ASXL3: variants seen among roughly 807,000 people sequenced by gnomAD.
ASXL3 encodes the protein ASXL transcriptional regulator 3, also known as putative Polycomb group protein ASXL3.
A neutral mutation model predicts 170.6 loss-of-function variants in ASXL3; 34 were observed. The ratio of observed to expected loss-of-function variants is 0.20; its 90% CI spans 0.15 to 0.27. The LOEUF is 0.27. Ranked by LOEUF, ASXL3 falls within the 10% of genes least tolerant of loss-of-function variation. The pLI is 1.00. For synonymous variants in ASXL3, 1,002 were observed against 989.1 expected (o/e 1.01, Z -0.24); for missense variants, 2,592 against 2,695.3 (o/e 0.96, Z 0.85).
At chr18:33,643,264 T>A (rs538953624) in intron 2 of ASXL3, among the ~76,000 whole-genome samples, 3 of 151,908 alleles carry the variant, frequency 2.0e-5, no homozygotes, top group African/African-American at 7.2e-5. Context: ...ATTTGGAATT[T>A]ATTCATGGAA....
At chr18:33,643,420 C>T (rs993041974) in intron 2 of ASXL3, among the ~76,000 whole-genome samples, 2 of 151,780 alleles carry the variant, frequency 1.3e-5, no homozygotes, top group Non-Finnish European at 3.0e-5. Flanking sequence ...ATTACCTAAA[C>T]ACAACATTGT....
chr18:33,621,654 A>G (rs948943358), intron 2 of ASXL3, among the ~76,000 whole-genome samples: 6 of 152,170 alleles, frequency 3.9e-5, no homozygotes, highest in African/African-American at 1.4e-4. Flanking sequence ...TCAGATTCCC[A>G]CCATGGGTTG....
At chr18:33,742,666 T>G (rs146941067) in intron 11 of ASXL3, among the ~76,000 whole-genome samples, 1 of 152,198 alleles carries the variant, frequency 6.6e-6, no homozygotes, top group Non-Finnish European at 1.5e-5. Flanking sequence ...ACAATGGATG[T>G]TTTTGTAGAT....
intron 8 of ASXL3, among the ~76,000 whole-genome samples, chr18:33,719,806 C>T (rs551662142): frequency 6.6e-6 from 1 of 152,092 alleles, no homozygotes; most frequent in African/African-American, 2.4e-5. Context: ...AACAGGCCCT[C>T]CCCAGACACT....
At chr18:33,735,928 A>G (rs2067538111) in intron 10 of ASXL3, among the ~76,000 whole-genome samples, 1 of 152,164 alleles carries the variant, frequency 6.6e-6, no homozygotes, top group Non-Finnish European at 1.5e-5. Flanking sequence ...CCTACATTAC[A>G]GAGAGCTTTC....
chr18:33,626,289 T>A (rs978667487), intron 2 of ASXL3, among the ~76,000 whole-genome samples: 2 of 152,122 alleles, frequency 1.3e-5, no homozygotes, highest in African/African-American at 2.4e-5. Context: ...AAAAAAAATC[T>A]TACCATTTCA....
chr18:33,743,267 C>A lies in ASXL3; in HGVS notation c.3419C>A (p.Pro1140Gln), dbSNP rs201152513. The change falls in exon 12 of 12, where the codon CCA (proline) becomes CAA (glutamine). Residue 1140 changes from proline (P) to glutamine (Q), a missense_variant. Pro to Gln is a moderately conservative substitution (Grantham distance 76). Transcript: ENST00000269197. ...CCGCTCAGCTCAAAGGAAGGGCCTC[C>A]AAACTTAGAAGTCTCTTCTACCCCT... is the stretch of plus-strand genomic sequence containing the variant. ...PPPLSSKEGP[P>Q]NLEVSSTPET... The A allele has an allele frequency of 4.9e-5, 79 of 1,613,778 alleles. No homozygotes were observed. Among genetic ancestry groups the A allele is most frequent in the Non-Finnish European group, 6.4e-5 (75 of 1,179,824 alleles).
chr18:33,710,892 A>C (rs575785645), intron 8 of ASXL3, among the ~76,000 whole-genome samples: 2 of 152,142 alleles, frequency 1.3e-5, no homozygotes, highest in Admixed American at 1.3e-4. Flanking sequence ...TTGGGGGGGA[A>C]CAAAGCCTTT....
At chr18:33,680,176 T>C (rs1463734995) in intron 7 of ASXL3, among the ~76,000 whole-genome samples, 7 of 152,102 alleles carry the variant, frequency 4.6e-5, no homozygotes, top group African/African-American at 1.2e-4. Flanking sequence ...TCAAATACTT[T>C]ATAATTTCCG....
Position 33,745,034 on chromosome 18 carries a change from G to C in ASXL3, c.5186G>C (p.Arg1729Thr), listed in dbSNP as rs1192650653. 6.2e-7 allele frequency: 1 copy of C among 1,613,892 alleles called. No individual in the cohort carries two copies. Among genetic ancestry groups the C allele is most frequent in the Non-Finnish European group, 8.5e-7 (1 of 1,179,908 alleles). Residue 1729 changes from arginine (R) to threonine (T), a missense_variant, in exon 12 of 12, where the codon AGA (arginine) becomes ACA (threonine). Arg to Thr is a moderately conservative substitution (Grantham distance 71). Around this residue, in one of 4 missense-constraint regions of ASXL3, gnomAD observed 2,246 missense variants for 2,219.6 expected, o/e 1.01. Coordinates refer to ENST00000269197, the MANE Select transcript of ASXL3 (RefSeq NM_030632.3). ...TCCTTGGCTACCGATGCCCTGAAGA[G>C]AGTCCCTGGTGCAGGGAGCTCAGGC... ...AISLATDALKRVPGAGSSGCR... is the reference protein window; with the variant it reads ...AISLATDALKTVPGAGSSGCR...
intron 8 of ASXL3, among the ~76,000 whole-genome samples, chr18:33,691,348 T>G (rs930939694): frequency 6.6e-6 from 1 of 152,170 alleles, no homozygotes; most frequent in African/African-American, 2.4e-5. Flanking sequence ...CTCTGTGGTG[T>G]TGCAGCCCCT....
At chr18:33,740,631 T>G (rs1040299228) in intron 11 of ASXL3, among the ~76,000 whole-genome samples, 188 bp downstream of exon 11, 1 of 152,176 alleles carries the variant, frequency 6.6e-6, no homozygotes, top group Admixed American at 6.5e-5. Context: ...TTTAGATACA[T>G]GCATATGTTT....
At chr18:33,598,609 C>T (rs2065152507) in intron 1 of ASXL3, among the ~76,000 whole-genome samples, 1 of 152,158 alleles carries the variant, frequency 6.6e-6, no homozygotes, top group African/African-American at 2.4e-5. Context: ...TATCATCGGG[C>T]ATGATTTCTC....
chr18:33,591,972 A>C (rs1021741586), intron 1 of ASXL3, among the ~76,000 whole-genome samples: 30 of 152,108 alleles, frequency 2.0e-4, no homozygotes, highest in East Asian at 1.9e-4. Flanking sequence ...GCTCAACTTC[A>C]TAGTAGGAAA....
chr18:33,612,466 A>G (rs926640540), intron 2 of ASXL3, among the ~76,000 whole-genome samples: 3 of 152,096 alleles, frequency 2.0e-5, no homozygotes, highest in Non-Finnish European at 4.4e-5. Context: ...ACATGCATTG[A>G]CATCCCAGAT....
intron 2 of ASXL3, among the ~76,000 whole-genome samples, chr18:33,641,621 T>C (rs896714390): frequency 6.6e-6 from 1 of 152,072 alleles, no homozygotes; most frequent in South Asian, 2.1e-4. Context: ...TTTAGCCCAG[T>C]GCCCCAGTTT....
At chr18:33,590,115 T>TTTTTTTTTTTTTC in intron 1 of ASXL3, among the ~76,000 whole-genome samples, 1 of 146,802 alleles carries the variant, frequency 6.8e-6, no homozygotes, top group African/African-American at 2.6e-5. Context: ...TTCTATGTTT[T>TTTTTTTTTTTTTC]TTTTTTTTTT....
rs918889127 is a variant in ASXL3 at position 33,747,768 on chromosome 18, G to A, written c.*1173G>A. 3 of 152,152 alleles carry A rather than the reference G, an allele frequency of 2.0e-5. No homozygotes were observed. The highest frequency in any genetic ancestry group is 2.0e-4 in the Admixed American group (3 of 15,276). 9.4% of individuals were successfully genotyped at this position (152,152 alleles called of 1,614,324 possible). ...AAAAAAACTGTTCTAGGTATGGCAT[G>A]TTTTGTTTTTTCCCTCAGGTATATT... On this transcript the variant is annotated 3_prime_UTR_variant, in exon 12 of 12. Coordinates refer to ENST00000269197, the MANE Select transcript of ASXL3 (RefSeq NM_030632.3).
At chr18:33,620,303 C>T (rs1177036586) in intron 2 of ASXL3, among the ~76,000 whole-genome samples, 1 of 152,038 alleles carries the variant, frequency 6.6e-6, no homozygotes, top group Non-Finnish European at 1.5e-5. Context: ...CTGATGGTAG[C>T]TAGAAATAGA....
Sources: allele counts gnomAD v4.1 joint callset (sites outside exome capture counted in the v4.1 genomes callset), GRCh38; gene constraint gnomAD v4.1.1; regional missense constraint gnomAD v4.1.1; transcripts MANE v1.5; gene names NCBI Gene and HGNC (gene_info 2026-07-23, HGNC 2026-07-21).